The following ZNF503 variants were observed in gnomAD, a reference collection of about 807,000 sequenced individuals.
ZNF503 encodes the protein zinc finger protein 503.
A neutral mutation model predicts 34.4 loss-of-function variants in ZNF503; 15 were observed. That is an observed-to-expected ratio of 0.44 (90% confidence interval 0.29 to 0.67). The LOEUF (loss-of-function observed/expected upper bound fraction) is 0.67. ZNF503 is among the 30% of genes least tolerant of loss of function. The pLI is 0.13. For missense variants in ZNF503, 1,007 were observed against 926.8 expected (o/e 1.09, Z -1.12); for synonymous variants, 580 against 456.8 (o/e 1.27, Z -3.44).
the ZNF503 span, among the ~76,000 whole-genome samples, chr10:75,307,896 T>C: frequency 6.6e-6 from 1 of 152,020 alleles, no homozygotes; most frequent in Non-Finnish European, 1.5e-5. Flanking sequence ...CTGGGAAACA[T>C]AGCAAGACCC....
chr10:75,400,398 G>T (rs771113970), intron 1 of ZNF503, 24 bp from the exon 2 acceptor site: 3 of 1,587,760 alleles, frequency 1.9e-6, no homozygotes, highest in South Asian at 2.3e-5. Context: ...CGATGGGGGG[G>T]GAGCGTCACA....
chr10:75,331,536 A>G, the ZNF503 span, among the ~76,000 whole-genome samples: 2 of 152,308 alleles, frequency 1.3e-5, no homozygotes, highest in African/African-American at 4.8e-5. Context: ...GCAGCCTTGA[A>G]TTCCTGGGCT....
chr10:75,316,774 C>A, the ZNF503 span, among the ~76,000 whole-genome samples: 2 of 152,142 alleles, frequency 1.3e-5, no homozygotes, highest in Admixed American at 1.3e-4. Flanking sequence ...GAAAAATTCA[C>A]AAAGATGTGG....
chr10:75,382,499 A>G, the ZNF503 span: 1 of 730,726 alleles, frequency 1.4e-6, no homozygotes, highest in South Asian at 1.5e-5. Context: ...GACAGCAGCA[A>G]CCTCTTCTTT....
At chr10:75,321,042 A>C in the ZNF503 span, among the ~76,000 whole-genome samples, 14 of 152,210 alleles carry the variant, frequency 9.2e-5, no homozygotes, top group African/African-American at 3.4e-4. Context: ...GTTTCTCACG[A>C]ATGGTTTAGC....
chr10:75,326,811 C>T, the ZNF503 span, among the ~76,000 whole-genome samples: 1 of 152,012 alleles, frequency 6.6e-6, no homozygotes. Context: ...GCTGGGATTA[C>T]AGGCTCATGC....
the ZNF503 span, among the ~76,000 whole-genome samples, chr10:75,294,140 G>A: frequency 6.6e-6 from 1 of 152,228 alleles, no homozygotes; most frequent in African/African-American, 2.4e-5. Context: ...TTTGGGAAGT[G>A]GGTGAGAGTC....
the ZNF503 span, among the ~76,000 whole-genome samples, chr10:75,373,861 C>T: frequency 6.6e-6 from 1 of 152,198 alleles, no homozygotes; most frequent in African/African-American, 2.4e-5. Context: ...TCTCCAGCTC[C>T]TTACCTCCCT....
the ZNF503 span, among the ~76,000 whole-genome samples, chr10:75,325,968 C>T: frequency 2.0e-5 from 3 of 152,060 alleles, no homozygotes; most frequent in East Asian, 3.9e-4. Context: ...AAGTGATCCT[C>T]CCGCCTTGGC....
the ZNF503 span, among the ~76,000 whole-genome samples, chr10:75,381,947 C>T: frequency 6.6e-6 from 1 of 150,408 alleles, no homozygotes; most frequent in Admixed American, 6.7e-5. Context: ...GCTGAGACTA[C>T]AGGCATAAGC....
chr10:75,287,377 CTG>C, the ZNF503 span, among the ~76,000 whole-genome samples: 1 of 152,190 alleles, frequency 6.6e-6, no homozygotes, highest in South Asian at 2.1e-4. Flanking sequence ...CCAGTTGCTG[CTG>C]TCCCCTGGTC....
chr10:75,401,752 C>T lies in ZNF503; in HGVS notation c.-333G>A, dbSNP rs1351007036. 5.7e-6 allele frequency: 2 copies of T among 350,404 alleles called. No individual in the cohort carries two copies. The highest frequency in any genetic ancestry group is 5.1e-6 in the Non-Finnish European group (1 of 195,034). The allele number at this position is 350,404 out of a possible 1,614,324, so 21.7% of individuals were successfully genotyped here. On this transcript the variant is annotated 5_prime_UTR_variant, in exon 1 of 2. Transcript: ENST00000372524. ...TCTGCGATGCGAGCCGCTGCGTGTCCAGCCGGGGCTCTGGCGAGGAAACTC... is the reference window on the plus strand; with the variant it reads ...TCTGCGATGCGAGCCGCTGCGTGTCTAGCCGGGGCTCTGGCGAGGAAACTC...
At chr10:75,391,752 C>A in the ZNF503 span, among the ~76,000 whole-genome samples, 2 of 151,770 alleles carry the variant, frequency 1.3e-5, no homozygotes, top group East Asian at 3.9e-4. Context: ...TTTTTCTTTC[C>A]TCTGCTTTCT....
In ZNF503 at chr10:75,398,870, T is replaced by C. The variant is rs749769654; in HGVS notation, c.1820A>G (p.Lys607Arg). The C allele has an allele frequency of 2.6e-6, 4 of 1,516,698 alleles. No individual in the cohort carries two copies. The highest frequency in any genetic ancestry group is 2.6e-6 in the Non-Finnish European group (3 of 1,136,704). 94.0% of individuals were successfully genotyped at this position (1,516,698 alleles called of 1,614,324 possible). ...GLSSRYHPYS[K>R]SPLPTPGAPV... is the part of the protein sequence containing the mutation. ...GGCGCCAGGCGTGGGAAGCGGGCTCTTGGAGTAGGGGTGGTAGCGGCTGCT... is the reference window on the plus strand; with the variant it reads ...GGCGCCAGGCGTGGGAAGCGGGCTCCTGGAGTAGGGGTGGTAGCGGCTGCT... Residue 607 changes from lysine to arginine, a missense_variant, in exon 2 of 2, where the codon AAG becomes AGG. Physicochemically the swap from Lys to Arg is conservative, Grantham distance 26. Transcript: ENST00000372524.
At chr10:75,395,712 C>T (rs1049772801), downstream of ZNF503, among the ~76,000 whole-genome samples, 9 of 152,252 alleles carry the variant, frequency 5.9e-5, no homozygotes, top group Non-Finnish European at 1.3e-4. The surrounding 1 kb of genome is among the most constrained non-coding windows in gnomAD (Gnocchi z 4.4). Flanking sequence ...CCGTCCAACA[C>T]GTCGGGGAAT....
the ZNF503 span, among the ~76,000 whole-genome samples, chr10:75,304,248 A>T: frequency 6.6e-6 from 1 of 152,178 alleles, no homozygotes; most frequent in South Asian, 2.1e-4. Flanking sequence ...GACTGCAGAG[A>T]ATACATTTAA....
chr10:75,334,677 C>A, the ZNF503 span, among the ~76,000 whole-genome samples: 4 of 152,314 alleles, frequency 2.6e-5, no homozygotes, highest in East Asian at 7.7e-4. Flanking sequence ...TATTTTAAAA[C>A]TATATCCCAT....
the ZNF503 span, among the ~76,000 whole-genome samples, chr10:75,337,433 G>A: frequency 3.3e-5 from 5 of 152,080 alleles, no homozygotes; most frequent in African/African-American, 1.2e-4. Flanking sequence ...GACCAGCCTG[G>A]CCAACACGGT....
At chr10:75,368,805 G>A in the ZNF503 span, among the ~76,000 whole-genome samples, 2 of 152,226 alleles carry the variant, frequency 1.3e-5, no homozygotes, top group Non-Finnish European at 2.9e-5. Flanking sequence ...TCAGGGGTGA[G>A]ACTTTAATAC....
Sources: gnomAD v4.1 joint callset for allele counts (sites outside exome capture counted in the v4.1 genomes callset) on GRCh38, gnomAD v4.1.1 for gene constraint, Gnocchi (gnomAD v3.1) non-coding constraint, MANE v1.5 for transcripts, NCBI Gene and HGNC (gene_info 2026-07-23, HGNC 2026-07-21) for gene names.